Variants in PTPRG observed in about 807,000 individuals in gnomAD.
PTPRG encodes the protein receptor-type tyrosine-protein phosphatase gamma.
Under a neutral mutation model 165.3 loss-of-function variants are expected in PTPRG, and 102 were observed. The ratio of observed to expected loss-of-function variants is 0.62; its 90% CI spans 0.53 to 0.73. The LOEUF (loss-of-function observed/expected upper bound fraction) is 0.73, where lower values mean the gene tolerates loss of function less well. PTPRG is among the 30% of genes least tolerant of loss of function. PTPRG has a pLI of 0.00. For synonymous variants in PTPRG, 675 were observed against 669.5 expected (o/e 1.01, Z -0.13); for missense variants, 1,866 against 1,861.4 (o/e 1.00, Z -0.05).
At chr3:61,870,130 C>A (rs1170493104) in intron 2 of PTPRG, among the ~76,000 whole-genome samples, 2 of 151,462 alleles carry the variant, frequency 1.3e-5, no homozygotes, top group Non-Finnish European at 2.9e-5. Context: ...AACATTTAGT[C>A]TATAGTGGTA....
intron 2 of PTPRG, among the ~76,000 whole-genome samples, chr3:61,945,560 C>CAAAAAAAAAAAAAAAAAAAAAAAAA (rs71123242): frequency 7.2e-5 from 4 of 55,462 alleles, no homozygotes; most frequent in African/African-American, 2.8e-4. Context: ...ACTCCGTCAC[C>CAAAAAAAAAAAAAAAAAAAAAAAAA]AAAAAAAAAA....
At position 62,190,063 on chromosome 3, in the gene PTPRG, C is replaced by G. The variant is rs1699769645; in HGVS notation, c.1034-1406C>G. Among the ~76,000 whole-genome samples the G allele has an allele frequency of 6.6e-6, 1 of 152,228 alleles. No homozygotes were observed. The highest frequency in any genetic ancestry group is 1.5e-5 in the Non-Finnish European group (1 of 68,042). On this transcript the variant is annotated intron_variant, in intron 8 of 29. Coordinates refer to ENST00000474889, the MANE Select transcript of PTPRG (RefSeq NM_002841.4). The surrounding 1 kb of genome is among the most constrained non-coding windows in gnomAD (Gnocchi z 5.2). Reference sequence around the variant, plus strand: ...ACCTCTTCCTCTCCCTCCTCTCCCTCCATCCTGTCCTGGCGTGCAGTGATG... The same window carrying G: ...ACCTCTTCCTCTCCCTCCTCTCCCTGCATCCTGTCCTGGCGTGCAGTGATG...
At chr3:61,614,140 G>A (rs565331359) in intron 1 of PTPRG, among the ~76,000 whole-genome samples, 2 of 152,274 alleles carry the variant, frequency 1.3e-5, no homozygotes, top group South Asian at 2.1e-4. Flanking sequence ...CTCTTCGCCT[G>A]TTGTTCCTCA....
At chr3:61,874,647 A>G (rs966086604) in intron 2 of PTPRG, among the ~76,000 whole-genome samples, 1 of 152,160 alleles carries the variant, frequency 6.6e-6, no homozygotes, top group African/African-American at 2.4e-5. Flanking sequence ...CAATGTTTGA[A>G]GGCAATTTTG....
intron 2 of PTPRG, among the ~76,000 whole-genome samples, chr3:61,870,992 ATTGT>A (rs1312541320): frequency 1.3e-5 from 2 of 152,050 alleles, no homozygotes; most frequent in Admixed American, 6.6e-5. Flanking sequence ...ACTGATGAGA[ATTGT>A]TTGTTTAGAC....
chr3:61,606,714 G>T (rs1701018793), intron 1 of PTPRG, among the ~76,000 whole-genome samples: 1 of 152,180 alleles, frequency 6.6e-6, no homozygotes, highest in African/African-American at 2.4e-5. Flanking sequence ...GAGGAACACT[G>T]CCCTCAACAT....
intron 2 of PTPRG, among the ~76,000 whole-genome samples, chr3:61,970,356 C>CA (rs535162650): frequency 1.3e-5 from 2 of 151,962 alleles, no homozygotes; most frequent in Non-Finnish European, 2.9e-5. Flanking sequence ...AAATCACTGA[C>CA]AAAAAAATGC....
chr3:61,787,501 A>G (rs781029980), intron 2 of PTPRG, among the ~76,000 whole-genome samples: 10 of 152,194 alleles, frequency 6.6e-5, no homozygotes, highest in Non-Finnish European at 1.2e-4. Flanking sequence ...GAGTGGTATC[A>G]TTAGTTTCGC....
intron 12 of PTPRG, among the ~76,000 whole-genome samples, chr3:62,206,137 TAC>T (rs1294882887): frequency 1.3e-5 from 2 of 152,098 alleles, no homozygotes; most frequent in African/African-American, 2.4e-5. Context: ...TGGGAGTATT[TAC>T]AGTTTGAGAG....
chr3:62,044,302 G>A (rs1266567324), intron 4 of PTPRG, among the ~76,000 whole-genome samples: 4 of 152,218 alleles, frequency 2.6e-5, no homozygotes, highest in African/African-American at 4.8e-5. Flanking sequence ...ACTTTGGGAG[G>A]CTGAGGCGGG....
chr3:62,241,932 A>G (rs1018710914), intron 14 of PTPRG, among the ~76,000 whole-genome samples: 2 of 152,214 alleles, frequency 1.3e-5, no homozygotes, highest in Non-Finnish European at 2.9e-5. Flanking sequence ...TTCCTTAGCT[A>G]TGATACTGGA....
chr3:62,276,851 A>G (rs910921029), intron 24 of PTPRG, 121 bp from the exon 25 acceptor site: 8 of 719,390 alleles, frequency 1.1e-5, no homozygotes, highest in African/African-American at 7.3e-5. Context: ...AAAAATATAG[A>G]TAAGTCTTAG....
chr3:62,051,177 A>G (rs1288502508), intron 4 of PTPRG, among the ~76,000 whole-genome samples: 2 of 152,200 alleles, frequency 1.3e-5, no homozygotes, highest in Non-Finnish European at 2.9e-5. Flanking sequence ...CATTAATCCA[A>G]CAAATATTTA....
chr3:62,280,215 A>G (rs1702381660), intron 26 of PTPRG, among the ~76,000 whole-genome samples: 1 of 151,914 alleles, frequency 6.6e-6, no homozygotes, highest in Non-Finnish European at 1.5e-5. Flanking sequence ...CTCACACACA[A>G]TCTTCCAAAA....
chr3:61,842,904 A>G (rs1219904785), intron 2 of PTPRG, among the ~76,000 whole-genome samples: 1 of 152,152 alleles, frequency 6.6e-6, no homozygotes, highest in Non-Finnish European at 1.5e-5. Context: ...ACAAACTTTT[A>G]TTCTGTTGAA....
intron 4 of PTPRG, among the ~76,000 whole-genome samples, chr3:62,024,914 C>T (rs556469312): frequency 1.3e-5 from 2 of 152,190 alleles, no homozygotes; most frequent in South Asian, 2.1e-4. Flanking sequence ...AATTATTTAC[C>T]ACATTTTCAG....
chr3:61,731,778 C>A (rs76757409), intron 1 of PTPRG, among the ~76,000 whole-genome samples: 3 of 151,866 alleles, frequency 2.0e-5, no homozygotes, highest in Non-Finnish European at 4.4e-5. Context: ...AGGAATGGAA[C>A]GTGAACTGCA....
At chr3:61,699,951 GT>G (rs1013682988) in intron 1 of PTPRG, among the ~76,000 whole-genome samples, 5 of 152,174 alleles carry the variant, frequency 3.3e-5, no homozygotes, top group Non-Finnish European at 7.3e-5. Context: ...TTTCTAGAGG[GT>G]TTTCAAGAAC....
At chr3:61,965,886 G>A (rs2040259376) in intron 2 of PTPRG, among the ~76,000 whole-genome samples, 1 of 152,202 alleles carries the variant, frequency 6.6e-6, no homozygotes, top group Admixed American at 6.5e-5. Flanking sequence ...AGGATTCATG[G>A]TCTTTATCAC....
Sources: gnomAD v4.1 joint callset for allele counts (sites outside exome capture counted in the v4.1 genomes callset) on GRCh38, gnomAD v4.1.1 for gene constraint, Gnocchi (gnomAD v3.1) non-coding constraint, MANE v1.5 for transcripts, NCBI Gene and HGNC (gene_info 2026-07-23, HGNC 2026-07-21) for gene names.